PCDHA4: variants seen among roughly 807,000 people sequenced by gnomAD.
PCDHA4 encodes the protein protocadherin alpha 4, also known as protocadherin alpha-4.
Under a neutral mutation model 61.4 loss-of-function variants are expected in PCDHA4, and 49 were observed. That is an observed-to-expected ratio of 0.80 (90% CI 0.63 to 1.01). PCDHA4 has a LOEUF of 1.01. Ranked by LOEUF, PCDHA4 falls within the 50% of genes least tolerant of loss-of-function variation. The pLI, the probability that PCDHA4 is intolerant of heterozygous loss-of-function variation, is 0.00. For missense variants in PCDHA4, 1,254 were observed against 1,235.8 expected (o/e 1.01, Z -0.22); for synonymous variants, 590 against 550.3 (o/e 1.07, Z -1.01).
chr5:140,883,403 T>G, intron 1 of PCDHA4: 1 of 1,614,168 alleles, frequency 6.2e-7, no homozygotes, highest in Non-Finnish European at 8.5e-7. Context: ...CGATCGTGAC[T>G]CTGGCTCAAA....
intron 1 of PCDHA4, among the ~76,000 whole-genome samples, chr5:140,974,327 G>A (rs2096622889): frequency 6.6e-6 from 1 of 152,194 alleles, no homozygotes; most frequent in African/African-American, 2.4e-5. Context: ...TAGCTGCTGT[G>A]CTAGCAGGCT....
intron 1 of PCDHA4, among the ~76,000 whole-genome samples, chr5:140,819,706 G>A (rs2150054349): frequency 1.3e-5 from 2 of 152,142 alleles, no homozygotes; most frequent in East Asian, 3.9e-4. Context: ...AATTTAAAAA[G>A]TAAATATAAT....
intron 1 of PCDHA4, chr5:140,830,137 G>T: frequency 1.2e-6 from 2 of 1,613,292 alleles, no homozygotes; most frequent in East Asian, 2.2e-5. Context: ...CATCACGGGC[G>T]TCGGTGGGCG....
chr5:140,975,983 T>A (rs975014640), intron 1 of PCDHA4, among the ~76,000 whole-genome samples: 31 of 152,290 alleles, frequency 2.0e-4, no homozygotes, highest in Admixed American at 2.0e-3. Flanking sequence ...AGCATAGTCC[T>A]GGGAGGTACC....
intron 1 of PCDHA4, among the ~76,000 whole-genome samples, chr5:140,950,042 T>C (rs2153688283): frequency 6.6e-6 from 1 of 152,082 alleles, no homozygotes; most frequent in South Asian, 2.1e-4. Flanking sequence ...GTTACAACCA[T>C]ATAAGACTAT....
rs1459360410 is a variant in PCDHA4 at position 140,851,559 on chromosome 5, A to C, written c.2385+41987A>C. 4 of 909,446 alleles carry C rather than the reference A, an allele frequency of 4.4e-6. 1 individual carries two copies. In the East Asian group the frequency reaches 3.5e-4, roughly 79 times the overall value. The allele number at this position is 909,446 out of a possible 1,614,324, so 56.3% of individuals were successfully genotyped here. A position where few individuals can be genotyped will look rare whatever the true frequency, so the allele number is the denominator to read the frequency against. ...AGATAATTCAAGAAATGTTGACTGA[A>C]ATTTTGTCTACACTTAGAACATTTT... is the stretch of plus-strand genomic sequence containing the variant. On this transcript the variant is annotated intron_variant, in intron 1 of 3. Transcript: ENST00000530339.
intron 1 of PCDHA4, chr5:140,824,264 C>A: frequency 2.3e-6 from 3 of 1,285,746 alleles, no homozygotes; most frequent in Non-Finnish European, 3.3e-6. Context: ...TGCACTAATT[C>A]ATGTATTATA....
intron 1 of PCDHA4, among the ~76,000 whole-genome samples, chr5:140,838,075 A>AGTGTGTGTGTGTGTG (rs781914509): frequency 1.6e-5 from 2 of 128,136 alleles, no homozygotes; most frequent in South Asian, 5.3e-4. Context: ...TTATATATAT[A>AGTGTGTGTGTGTGTG]TAGTGTGTGT....
Position 140,886,603 on chromosome 5 carries a change from G to GGATCAGGA in PCDHA4, c.2385+77041_2385+77048dup, listed in dbSNP as rs567691866. On this transcript the variant is annotated intron_variant, in intron 1 of 3. Coordinates refer to ENST00000530339, the MANE Select transcript of PCDHA4 (RefSeq NM_018907.4). ...AGCACTTTGGGAGGCCAAGGTGGGC[G>GGATCAGGA]GATCAGGAGATCAGGAGTCCGAGAC... 2.7e-3 allele frequency among the ~76,000 whole-genome samples: 409 copies of GGATCAGGA among 152,092 alleles called. 3 individuals carry two copies. The highest frequency in any genetic ancestry group is 0.014 in the Middle Eastern group (4 of 294).
chr5:140,825,831 AT>A (rs1768728016), intron 1 of PCDHA4: 1 of 152,494 alleles, frequency 6.6e-6, no homozygotes, highest in Non-Finnish European at 1.5e-5. Context: ...GATTAAAAAA[AT>A]AAATATACCA....
At chr5:140,822,128 T>C in intron 1 of PCDHA4, 1 of 1,614,264 alleles carries the variant, frequency 6.2e-7, no homozygotes, top group South Asian at 1.1e-5. Flanking sequence ...GTTTTCCATG[T>C]GGAGGTGGCA....
At chr5:140,852,576 T>G in intron 1 of PCDHA4, 1 of 821,650 alleles carries the variant, frequency 1.2e-6, no homozygotes, top group Non-Finnish European at 1.5e-6. Flanking sequence ...GTGCCAAGGC[T>G]TTTTTATTTT....
At chr5:140,897,353 T>C (rs1363658526) in intron 1 of PCDHA4, among the ~76,000 whole-genome samples, 3 of 116,194 alleles carry the variant, frequency 2.6e-5, no homozygotes, top group Non-Finnish European at 4.9e-5. Flanking sequence ...CCCACAACTG[T>C]CCCCAGAGTG....
intron 1 of PCDHA4, among the ~76,000 whole-genome samples, chr5:140,953,068 C>A (rs1243228817): frequency 6.6e-6 from 1 of 152,198 alleles, no homozygotes; most frequent in East Asian, 1.9e-4. Context: ...CAGGCCCCAT[C>A]TCCAACATTG....
rs2150239032 is a variant in PCDHA4 at position 140,835,597 on chromosome 5, A to G, written c.2385+26025A>G. The G allele has an allele frequency of 3.1e-6, 5 of 1,613,762 alleles. No individual in the cohort carries two copies. Among genetic ancestry groups the G allele is most frequent in the East Asian group, 2.2e-5 (1 of 44,812 alleles). On this transcript the variant is annotated intron_variant, in intron 1 of 3. Coordinates refer to ENST00000530339, the MANE Select transcript of PCDHA4 (RefSeq NM_018907.4). ...TTGGTGTCCACCTTCAAGAATTACT[A>G]TTCATTGGTGCTGGACAGCGCTCTG...
intron 1 of PCDHA4, chr5:140,835,699 C>T: frequency 1.9e-6 from 3 of 1,613,916 alleles, no homozygotes; most frequent in African/African-American, 2.7e-5. Context: ...TGGGCCACTG[C>T]TAGCGTGTCC....
Position 140,884,117 on chromosome 5 carries a change from G to A in PCDHA4, c.2385+74545G>A, listed in dbSNP as rs782383006. 1 of 1,613,298 alleles carries A rather than the reference G, an allele frequency of 6.2e-7. No homozygotes were observed. The highest frequency in any genetic ancestry group is 1.7e-5 in the Admixed American group (1 of 60,006). On this transcript the variant is annotated intron_variant, in intron 1 of 3. Transcript: ENST00000530339. ...GTATGAATTGCAGCTGGCGGCGGTC[G>A]GCGCGCGCATCCCGTTCCGCGTGGG...
chr5:140,849,674 C>G (rs138948867), intron 1 of PCDHA4: 2 of 1,598,596 alleles, frequency 1.3e-6, no homozygotes, highest in African/African-American at 2.7e-5. Flanking sequence ...CGCCCCACGT[C>G]CCCTTCAAGC....
chr5:140,914,022 C>T (rs1157309436), intron 1 of PCDHA4, among the ~76,000 whole-genome samples: 2 of 152,134 alleles, frequency 1.3e-5, no homozygotes, highest in African/African-American at 2.4e-5. Context: ...GAATGATCCA[C>T]GTGCTGAGAA....
Sources: gnomAD v4.1 joint callset for allele counts (sites outside exome capture counted in the v4.1 genomes callset) on GRCh38, gnomAD v4.1.1 for gene constraint, MANE v1.5 for transcripts, NCBI Gene and HGNC (gene_info 2026-07-23, HGNC 2026-07-21) for gene names.